CHAT: variants seen among roughly 807,000 people sequenced by gnomAD.
CHAT encodes acetyl CoA:choline O-acetyltransferase.
CHAT carries 61 observed loss-of-function variants against 76.9 expected under a neutral mutation model. The ratio of observed to expected loss-of-function variants is 0.79; its 90% CI spans 0.65 to 0.98. The LOEUF (loss-of-function observed/expected upper bound fraction) is 0.98. Among genes scored for constraint, CHAT ranks in the 50% least tolerant of loss-of-function variants. The pLI is 0.00. For synonymous variants in CHAT, 407 were observed against 397.4 expected (o/e 1.02, Z -0.29); for missense variants, 946 against 986.9 (o/e 0.96, Z 0.56).
upstream of CHAT, chr10:49,611,929 G>A: frequency 6.2e-7 from 1 of 1,612,666 alleles, no homozygotes; most frequent in Non-Finnish European, 8.5e-7. Flanking sequence ...CATAGCCCTA[G>A]TCGACACAGC....
intron 7 of CHAT, among the ~76,000 whole-genome samples, chr10:49,639,248 C>A (rs1590595694): frequency 1.3e-5 from 2 of 152,176 alleles, no homozygotes; most frequent in East Asian, 3.9e-4. Context: ...AACACCAAAA[C>A]CAAAAACAAA....
chr10:49,629,922 G>C (rs941991376), intron 7 of CHAT, among the ~76,000 whole-genome samples: 1 of 152,228 alleles, frequency 6.6e-6, no homozygotes, highest in Non-Finnish European at 1.5e-5. Context: ...ACAGGGTTGA[G>C]AGTGAAGATG....
chr10:49,648,300 G>A (rs1051909170), intron 8 of CHAT, among the ~76,000 whole-genome samples: 3 of 152,182 alleles, frequency 2.0e-5, no homozygotes, highest in Admixed American at 6.5e-5. Flanking sequence ...GCTTTTACGG[G>A]AAAGAGGTCG....
intron 11 of CHAT, among the ~76,000 whole-genome samples, chr10:49,652,803 C>A (rs1388698579): frequency 6.6e-6 from 1 of 151,798 alleles, no homozygotes; most frequent in East Asian, 1.9e-4. Flanking sequence ...TGCCTCCTGA[C>A]CTTTGCCCTG....
At chr10:49,659,652 A>G (rs1840132232) in intron 13 of CHAT, among the ~76,000 whole-genome samples, 1 of 152,174 alleles carries the variant, frequency 6.6e-6, no homozygotes, top group African/African-American at 2.4e-5. Context: ...ACCTGAGGTC[A>G]GGAATTCAAG....
rs148325784 is a variant in CHAT at position 49,618,652 on chromosome 10, T to C, written c.388-1073T>C. Among the ~76,000 whole-genome samples, 873 of 152,248 alleles carry C rather than the reference T, an allele frequency of 5.7e-3. 9 individuals are homozygous for C. Among genetic ancestry groups the C allele is most frequent in the African/African-American group, 0.019 (810 of 41,546 alleles). ...GGGACTCAGTTTCCTCATTCATAAATGGGAAGTCACAAAATTGAAGCCACA... is the reference window on the plus strand; with the variant it reads ...GGGACTCAGTTTCCTCATTCATAAACGGGAAGTCACAAAATTGAAGCCACA... On this transcript the variant is annotated intron_variant, in intron 2 of 14. Coordinates refer to ENST00000337653, the MANE Select transcript of CHAT (RefSeq NM_020549.5).
intron 8 of CHAT, chr10:49,647,011 T>A (rs1839693631): frequency 2.4e-6 from 1 of 413,510 alleles, no homozygotes; most frequent in African/African-American, 2.0e-5. Flanking sequence ...ACCTGTGAGG[T>A]GGGGGTGTGC....
chr10:49,651,265 A>G lies in CHAT; in HGVS notation c.1512-619A>G, dbSNP rs571321874. Among the ~76,000 whole-genome samples, 9 of 151,974 alleles carry G rather than the reference A, an allele frequency of 5.9e-5. 1 individual carries two copies. The highest frequency in any genetic ancestry group is 5.9e-4 in the Admixed American group (9 of 15,274). On this transcript the variant is annotated intron_variant, in intron 10 of 14. Coordinates refer to ENST00000337653, the MANE Select transcript of CHAT (RefSeq NM_020549.5). ...CCCTGTGTTCCTAGCACCTGGCCCC[A>G]CCGAGAGCTGAGCTGCTGTGAGCAG...
At chr10:49,660,029 T>C (rs564876018) in intron 13 of CHAT, among the ~76,000 whole-genome samples, 14 of 152,246 alleles carry the variant, frequency 9.2e-5, no homozygotes, top group African/African-American at 1.7e-4. Context: ...ATTATACTTA[T>C]GTATATCGTT....
Position 49,665,145 on chromosome 10 carries a change from C to T in CHAT, c.*99C>T, listed in dbSNP as rs1196546476. The T allele has an allele frequency of 1.5e-6, 2 of 1,343,394 alleles. No individual in the cohort carries two copies. Among genetic ancestry groups the T allele is most frequent in the Non-Finnish European group, 2.1e-6 (2 of 943,262 alleles). 83.2% of individuals were successfully genotyped at this position (1,343,394 alleles called of 1,614,324 possible). ...CCTTACCCCAGCTTTCCACAGCTCC[C>T]TGTCCTCAGGGTCCAACTCACAGAC... On this transcript the variant is annotated 3_prime_UTR_variant, in exon 15 of 15. Transcript: ENST00000337653.
chr10:49,622,040 G>GAAGGGTGGGAAGAGGAA, intron 4 of CHAT, 57 bp from the exon 5 acceptor site: 1 of 1,544,902 alleles, frequency 6.5e-7, no homozygotes. Flanking sequence ...AAGGGAGGGA[G>GAAGGGTGGGAAGAGGAA]GGAGGGAGGA....
chr10:49,646,137 G>T (rs1025593047), intron 7 of CHAT, among the ~76,000 whole-genome samples: 1 of 152,256 alleles, frequency 6.6e-6, no homozygotes, highest in South Asian at 2.1e-4. Flanking sequence ...GGTGCTGTTG[G>T]GTGGGGGATT....
intron 2 of CHAT, among the ~76,000 whole-genome samples, chr10:49,617,138 C>A (rs970572710): frequency 6.6e-6 from 1 of 152,164 alleles, no homozygotes; most frequent in Non-Finnish European, 1.5e-5. Context: ...GCATGTGTTT[C>A]CCCTCTCCCA....
chr10:49,644,347 C>A (rs551100179), intron 7 of CHAT, among the ~76,000 whole-genome samples: 1 of 152,302 alleles, frequency 6.6e-6, no homozygotes, highest in African/African-American at 2.4e-5. Flanking sequence ...AATTTGGATT[C>A]TCCCTTGTGG....
intron 5 of CHAT, among the ~76,000 whole-genome samples, chr10:49,623,035 G>A (rs1838785930): frequency 6.6e-6 from 1 of 152,150 alleles, no homozygotes. Context: ...AGTTCAGGCT[G>A]TCCAGGGCAT....
intron 4 of CHAT, among the ~76,000 whole-genome samples, chr10:49,621,287 G>C (rs1481404446): frequency 6.6e-6 from 1 of 152,130 alleles, no homozygotes; most frequent in East Asian, 1.9e-4. Flanking sequence ...CTCTGGGCAG[G>C]GCTTAGCCAT....
chr10:49,633,002 G>A (rs1839177325), intron 7 of CHAT, among the ~76,000 whole-genome samples: 1 of 152,182 alleles, frequency 6.6e-6, no homozygotes, highest in African/African-American at 2.4e-5. Context: ...GTGTCCTCTG[G>A]GGGCCCAAAG....
intron 10 of CHAT, among the ~76,000 whole-genome samples, chr10:49,650,815 G>A (rs937761422): frequency 2.0e-5 from 3 of 152,156 alleles, no homozygotes; most frequent in African/African-American, 7.2e-5. Flanking sequence ...AGGTTGCCTG[G>A]CTTCAGTGGG....
chr10:49,664,164 T>C (rs1774465499), intron 14 of CHAT, among the ~76,000 whole-genome samples: 2 of 152,204 alleles, frequency 1.3e-5, no homozygotes, highest in African/African-American at 4.8e-5. Flanking sequence ...TTCAGAAACA[T>C]ACTTTCTTGG....
Sources: gnomAD v4.1 joint callset for allele counts (sites outside exome capture counted in the v4.1 genomes callset) on GRCh38, gnomAD v4.1.1 for gene constraint, MANE v1.5 for transcripts, NCBI Gene and HGNC (gene_info 2026-07-23, HGNC 2026-07-21) for gene names.